The following NR3C1 variants were observed in gnomAD, a reference collection of about 807,000 sequenced individuals.
NR3C1 encodes the protein glucocorticoid receptor.
Under a neutral mutation model 74.0 loss-of-function variants are expected in NR3C1, and 14 were observed. The ratio of observed to expected loss-of-function variants is 0.19; its 90% confidence interval spans 0.12 to 0.30. NR3C1 has a LOEUF of 0.30. Among genes scored for constraint, NR3C1 ranks in the 10% least tolerant of loss-of-function variants. The pLI is 1.00. For synonymous variants in NR3C1, 308 were observed against 332.5 expected (o/e 0.93, Z 0.80); for missense variants, 695 against 909.8 (o/e 0.76, Z 3.04).
At chr5:143,397,910 A>G (rs954117366) in intron 2 of NR3C1, among the ~76,000 whole-genome samples, 1 of 151,936 alleles carries the variant, frequency 6.6e-6, no homozygotes, top group African/African-American at 2.4e-5. Context: ...CAAATGGAAA[A>G]TAAGTTTTGT....
chr5:143,348,945 T>C (rs953966972), intron 2 of NR3C1, among the ~76,000 whole-genome samples: 2 of 152,160 alleles, frequency 1.3e-5, no homozygotes, highest in Admixed American at 1.3e-4. Flanking sequence ...ATCTGAATAA[T>C]TTTTCTCTCC....
intron 7 of NR3C1, among the ~76,000 whole-genome samples, chr5:143,283,341 C>A (rs1813548748): frequency 6.6e-6 from 1 of 152,158 alleles, no homozygotes; most frequent in African/African-American, 2.4e-5. Flanking sequence ...TTGAGTAAAT[C>A]ACTTGATTTC....
Position 143,400,444 on chromosome 5 carries a change from C to T in NR3C1, c.396G>A (p.Ser132=), listed in dbSNP as rs1840053290. The T allele has an allele frequency of 6.2e-7, 1 of 1,614,030 alleles. No individual in the cohort carries two copies. ...LEESIANLNR[S]TSVPENPKSS... is the part of the protein sequence containing the mutation. ...TCTTGGGGTTCTCTGGAACACTGGT[C>T]GACCTATTGAGGTTTGCAATGCTTT... Residue 132 remains serine, a synonymous_variant, in exon 2 of 9, where the codon TCG becomes TCA. Transcript: ENST00000394464.
intron 2 of NR3C1, among the ~76,000 whole-genome samples, chr5:143,355,145 A>G (rs1311740895): frequency 6.6e-6 from 1 of 152,166 alleles, no homozygotes; most frequent in Non-Finnish European, 1.5e-5. Flanking sequence ...TAAACACGCA[A>G]TATTTGGGAA....
chr5:143,357,807 G>A (rs1391918719), intron 2 of NR3C1, among the ~76,000 whole-genome samples: 1 of 152,160 alleles, frequency 6.6e-6, no homozygotes, highest in Non-Finnish European at 1.5e-5. Context: ...TCTATTTTAA[G>A]GTGGTATAGT....
At chr5:143,332,736 G>A in intron 2 of NR3C1, 1 of 1,588,190 alleles carries the variant, frequency 6.3e-7, no homozygotes, top group Non-Finnish European at 8.5e-7. Flanking sequence ...TCATGCCTTG[G>A]AATTGCCAGA....
intron 2 of NR3C1, among the ~76,000 whole-genome samples, chr5:143,367,777 T>C (rs776158736): frequency 2.0e-5 from 3 of 152,226 alleles, no homozygotes; most frequent in Non-Finnish European, 2.9e-5. Flanking sequence ...CTTGTATTCA[T>C]GGGTTGGAAG....
intron 2 of NR3C1, among the ~76,000 whole-genome samples, chr5:143,368,595 C>T (rs1833702075): frequency 6.7e-6 from 1 of 149,684 alleles, no homozygotes. Flanking sequence ...AAAAGACAAC[C>T]TAATTTTAAA....
intron 1 of NR3C1, among the ~76,000 whole-genome samples, chr5:143,424,320 C>T (rs2151961094): frequency 6.6e-6 from 1 of 152,156 alleles, no homozygotes; most frequent in South Asian, 2.1e-4. Flanking sequence ...AGGGTGACTA[C>T]AGTTAACAAA....
intron 2 of NR3C1, among the ~76,000 whole-genome samples, chr5:143,390,401 A>C (rs1019310736): frequency 6.6e-6 from 1 of 152,220 alleles, no homozygotes; most frequent in Non-Finnish European, 1.5e-5. Flanking sequence ...AATGTGTATG[A>C]ATGAGAAATT....
At chr5:143,391,432 G>A (rs535422409) in intron 2 of NR3C1, among the ~76,000 whole-genome samples, 221 of 152,102 alleles carry the variant, frequency 1.5e-3, no homozygotes, top group Non-Finnish European at 2.4e-3. Flanking sequence ...TGTAATAAAT[G>A]TAAAAAAATT....
chr5:143,283,624 TTAGTAGGGAGCAAA>T (rs948189088), intron 7 of NR3C1, among the ~76,000 whole-genome samples: 1 of 152,194 alleles, frequency 6.6e-6, no homozygotes, highest in Admixed American at 6.5e-5. Flanking sequence ...TAGATATGTC[TTAGTAGGGAGCAAA>T]TATCTGTCCT....
intron 2 of NR3C1, among the ~76,000 whole-genome samples, chr5:143,397,171 A>AT (rs953452353): frequency 2.2e-4 from 33 of 151,354 alleles, no homozygotes; most frequent in Admixed American, 1.8e-3. Flanking sequence ...TAAAGTGAGG[A>AT]TTTTTTTTTA....
chr5:143,327,000 T>A (rs1181181070), intron 2 of NR3C1, among the ~76,000 whole-genome samples: 1 of 152,244 alleles, frequency 6.6e-6, no homozygotes, highest in Non-Finnish European at 1.5e-5. Context: ...TAATAATAGC[T>A]GCTATTTACT....
intron 2 of NR3C1, among the ~76,000 whole-genome samples, chr5:143,391,272 ATTTG>A (rs900895392): frequency 6.6e-6 from 1 of 152,160 alleles, no homozygotes; most frequent in African/African-American, 2.4e-5. Context: ...AATAGATCAA[ATTTG>A]TTTAACTGAA....
intron 1 of NR3C1, among the ~76,000 whole-genome samples, chr5:143,413,384 A>T (rs1841368009): frequency 6.6e-6 from 1 of 151,918 alleles, no homozygotes; most frequent in Non-Finnish European, 1.5e-5. Context: ...GACAACATTC[A>T]TTAGGTCATT....
At chr5:143,384,016 GT>G (rs1172067324) in intron 2 of NR3C1, among the ~76,000 whole-genome samples, 5 of 152,206 alleles carry the variant, frequency 3.3e-5, no homozygotes, top group African/African-American at 1.2e-4. Flanking sequence ...TTGACTTACA[GT>G]TCCACAGGCT....
intron 2 of NR3C1, among the ~76,000 whole-genome samples, chr5:143,399,112 A>G (rs934004899): frequency 6.6e-6 from 1 of 152,186 alleles, no homozygotes; most frequent in Non-Finnish European, 1.5e-5. Flanking sequence ...TGCTTTAGCA[A>G]CTTCAAAACT....
chr5:143,279,404 A>C lies in NR3C1; in HGVS notation c.*2485T>G, dbSNP rs1393020072. On this transcript the variant is annotated 3_prime_UTR_variant, in exon 9 of 9. Transcript: ENST00000394464. ...AGATGTGCTTTCTGGTTTTAACCAC[A>C]TAACATTCTATAAAGGAATGATAAT... 3.2e-6 allele frequency: 5 copies of C among 1,539,430 alleles called. No homozygotes were observed. In the African/African-American group the frequency reaches 6.9e-5, roughly 21 times the overall value.
Sources: gnomAD v4.1 joint callset for allele counts (sites outside exome capture counted in the v4.1 genomes callset) on GRCh38, gnomAD v4.1.1 for gene constraint, MANE v1.5 for transcripts, NCBI Gene and HGNC (gene_info 2026-07-23, HGNC 2026-07-21) for gene names.